The following RUNDC3B variants were observed in gnomAD, a reference collection of about 807,000 sequenced individuals.
RUNDC3B encodes RUN domain containing 3B.
In RUNDC3B, 33 loss-of-function variants were observed where a neutral mutation model predicts 58.4. The ratio of observed to expected loss-of-function variants is 0.56; its 90% CI spans 0.43 to 0.75. RUNDC3B has a LOEUF of 0.75. Ranked by LOEUF, RUNDC3B falls within the 30% of genes least tolerant of loss-of-function variation. RUNDC3B has a pLI of 0.00. For missense variants in RUNDC3B, 501 were observed against 535.7 expected, an observed-to-expected ratio of 0.94 and a Z score of 0.64; for synonymous variants, 193 against 195.2, an observed-to-expected ratio of 0.99 and a Z score of 0.10.
chr7:87,819,266 G>A (rs1321009158), intron 10 of RUNDC3B, among the ~76,000 whole-genome samples: 2 of 152,020 alleles, frequency 1.3e-5, no homozygotes, highest in Non-Finnish European at 2.9e-5. Context: ...AAGCACCCAG[G>A]GTACACCAAA....
chr7:87,690,461 T>C (rs1827905222), intron 2 of RUNDC3B, among the ~76,000 whole-genome samples: 1 of 152,168 alleles, frequency 6.6e-6, no homozygotes, highest in South Asian at 2.1e-4. Flanking sequence ...AAATACTTTG[T>C]TTCTAAGATG....
chr7:87,829,033 A>G (rs1045420865), intron 10 of RUNDC3B, among the ~76,000 whole-genome samples: 1 of 152,118 alleles, frequency 6.6e-6, no homozygotes, highest in Non-Finnish European at 1.5e-5. Context: ...GTGAGATGGT[A>G]TCTCATTGTG....
chr7:87,790,421 T>A (rs1835461276), intron 8 of RUNDC3B, among the ~76,000 whole-genome samples: 2 of 152,208 alleles, frequency 1.3e-5, no homozygotes, highest in South Asian at 4.1e-4. Context: ...AGTTAACTCT[T>A]CAATGCCCCA....
At chr7:87,711,291 A>G (rs1695417863) in intron 4 of RUNDC3B, among the ~76,000 whole-genome samples, 1 of 152,074 alleles carries the variant, frequency 6.6e-6, no homozygotes, top group African/African-American at 2.4e-5. Context: ...GAGCCATTGC[A>G]CCGCAGCCTG....
intron 6 of RUNDC3B, among the ~76,000 whole-genome samples, chr7:87,765,308 CT>C (rs1285055070): frequency 2.0e-5 from 3 of 151,602 alleles, no homozygotes; most frequent in Non-Finnish European, 4.4e-5. Context: ...CAGTTCTGCT[CT>C]GATGTTTGTT....
intron 2 of RUNDC3B, among the ~76,000 whole-genome samples, chr7:87,696,515 T>C (rs1010913955): frequency 2.6e-5 from 4 of 152,192 alleles, no homozygotes; most frequent in Non-Finnish European, 5.9e-5. Flanking sequence ...AGAAATTAAT[T>C]ATTTAGATGA....
At chr7:87,642,838 A>G (rs1822590158) in intron 1 of RUNDC3B, among the ~76,000 whole-genome samples, 1 of 152,202 alleles carries the variant, frequency 6.6e-6, no homozygotes, top group South Asian at 2.1e-4. Context: ...CTAGATTAAC[A>G]ATTCTCTTTT....
At chr7:87,829,736 G>A (rs1838034290) in intron 10 of RUNDC3B, 149 bp from the exon 11 acceptor site, 1 of 515,590 alleles carries the variant, frequency 1.9e-6, no homozygotes, top group South Asian at 3.6e-5. Flanking sequence ...GGGGATAGCA[G>A]TCAATCATGC....
chr7:87,646,177 C>T (rs534363633), intron 1 of RUNDC3B, among the ~76,000 whole-genome samples: 7 of 152,254 alleles, frequency 4.6e-5, no homozygotes, highest in Admixed American at 2.0e-4. Context: ...TCTGTAGGAA[C>T]GTAACCTATG....
chr7:87,733,301 G>A (rs151188900), intron 4 of RUNDC3B, among the ~76,000 whole-genome samples: 61 of 152,228 alleles, frequency 4.0e-4, no homozygotes, highest in South Asian at 3.3e-3. Flanking sequence ...CTGTTGGCTC[G>A]TTCTGGCAGT....
At chr7:87,629,753 C>T (rs1486558106) in intron 1 of RUNDC3B, among the ~76,000 whole-genome samples, 5 of 151,698 alleles carry the variant, frequency 3.3e-5, no homozygotes, top group Admixed American at 2.6e-4. Context: ...AGTGAAACCT[C>T]GTCTCTACTA....
chr7:87,803,262 A>G (rs914485665), intron 8 of RUNDC3B, among the ~76,000 whole-genome samples: 2 of 152,128 alleles, frequency 1.3e-5, no homozygotes, highest in African/African-American at 4.8e-5. Flanking sequence ...ACTGAAAACT[A>G]TAGTTTTGTT....
intron 2 of RUNDC3B, among the ~76,000 whole-genome samples, chr7:87,691,448 C>T (rs972323191): frequency 2.0e-5 from 3 of 152,012 alleles, no homozygotes; most frequent in African/African-American, 7.2e-5. Context: ...CTTTCTGAAC[C>T]TGGTTTCTTT....
At chr7:87,802,779 C>T (rs1012437248) in intron 8 of RUNDC3B, among the ~76,000 whole-genome samples, 5 of 152,162 alleles carry the variant, frequency 3.3e-5, no homozygotes, top group South Asian at 2.1e-4. Flanking sequence ...CCTAGGTAGG[C>T]GCTCCACCTG....
chr7:87,687,320 G>A (rs542704613), intron 2 of RUNDC3B, among the ~76,000 whole-genome samples: 1 of 151,684 alleles, frequency 6.6e-6, no homozygotes, highest in East Asian at 1.9e-4. Context: ...TCTAGTATCT[G>A]AATGGTTAAC....
chr7:87,779,008 C>T (rs1399215816), intron 8 of RUNDC3B, among the ~76,000 whole-genome samples: 1 of 152,112 alleles, frequency 6.6e-6, no homozygotes, highest in Non-Finnish European at 1.5e-5. Context: ...TTATAATTCT[C>T]TCCCTTTCCC....
chr7:87,763,247 G>A (rs1005158262), intron 6 of RUNDC3B, among the ~76,000 whole-genome samples: 3 of 151,456 alleles, frequency 2.0e-5, no homozygotes, highest in Non-Finnish European at 3.0e-5. Context: ...TTGATGTCCC[G>A]AATTTTACAT....
chr7:87,750,289 T>C (rs1051347914), intron 6 of RUNDC3B, among the ~76,000 whole-genome samples: 1 of 151,964 alleles, frequency 6.6e-6, no homozygotes, highest in African/African-American at 2.4e-5. Context: ...TGTTGGACAT[T>C]TGGGTTGGTT....
chr7:87,725,511 T>G (rs1365620482), intron 4 of RUNDC3B, among the ~76,000 whole-genome samples: 2 of 152,236 alleles, frequency 1.3e-5, no homozygotes, highest in South Asian at 2.1e-4. Context: ...TTGGGTTAGT[T>G]CCAACTCTTT....
Sources: gnomAD v4.1 joint callset for allele counts (sites outside exome capture counted in the v4.1 genomes callset) on GRCh38, gnomAD v4.1.1 for gene constraint, MANE v1.5 for transcripts, NCBI Gene and HGNC (gene_info 2026-07-23, HGNC 2026-07-21) for gene names.